SLC27A6: variants seen among roughly 807,000 people sequenced by gnomAD.
SLC27A6 encodes the protein solute carrier family 27 member 6, also known as long-chain fatty acid transport protein 6.
In SLC27A6, 74 loss-of-function variants were observed where a neutral mutation model predicts 63.9. The ratio of observed to expected loss-of-function variants is 1.16; its 90% CI spans 0.96 to 1.40. SLC27A6 has a LOEUF of 1.40. Among genes scored for constraint, SLC27A6 ranks in the 40% most tolerant of loss-of-function variants. SLC27A6 has a pLI of 0.00. For missense variants in SLC27A6, 794 were observed against 732.9 expected, an observed-to-expected ratio of 1.08 and a Z score of -0.96; for synonymous variants, 287 against 260.8, an observed-to-expected ratio of 1.10 and a Z score of -0.97.
chr5:128,982,722 C>A (rs1328982275), intron 1 of SLC27A6, among the ~76,000 whole-genome samples: 1 of 152,216 alleles, frequency 6.6e-6, no homozygotes, highest in African/African-American at 2.4e-5. Context: ...GTCACTCCTC[C>A]TATCATCCTT....
At chr5:129,020,496 G>GA in intron 5 of SLC27A6, among the ~76,000 whole-genome samples, 1 of 152,128 alleles carries the variant, frequency 6.6e-6, no homozygotes, top group East Asian at 1.9e-4. Flanking sequence ...ATGGGAGTGG[G>GA]GGGGAGGAAA....
rs766836348 is a variant in SLC27A6 at position 129,033,155 on chromosome 5, T to C, written c.1733T>C (p.Val578Ala). 2.5e-6 allele frequency: 4 copies of C among 1,609,078 alleles called. No homozygotes were observed. In the African/African-American group the frequency reaches 4.0e-5, roughly 16 times the overall value. Residue 578 changes from valine to alanine, a missense_variant, in exon 10 of 10, where the codon GTG becomes GCG. Coordinates refer to ENST00000262462, the MANE Select transcript of SLC27A6 (RefSeq NM_001017372.3). Reference sequence around the variant, plus strand: ...TTCAAACTATTGAAGCATCAGTTGGTGGAAGATGGATTTAATCCACTGAAA... The same window carrying C: ...TTCAAACTATTGAAGCATCAGTTGGCGGAAGATGGATTTAATCCACTGAAA... ...GTFKLLKHQL[V>A]EDGFNPLKIS...
intron 5 of SLC27A6, 93 bp from the exon 6 acceptor site, chr5:129,023,527 G>T: frequency 1.3e-6 from 1 of 758,508 alleles, no homozygotes; most frequent in Non-Finnish European, 2.2e-6. Flanking sequence ...AATTAGCATA[G>T]TCTACTACAG....
intron 7 of SLC27A6, among the ~76,000 whole-genome samples, 164 bp downstream of exon 7, chr5:129,027,495 C>T (rs1319058767): frequency 6.6e-6 from 1 of 152,046 alleles, no homozygotes; most frequent in African/African-American, 2.4e-5. Context: ...CTAGACTGAA[C>T]CACAAGTTAA....
intron 1 of SLC27A6, among the ~76,000 whole-genome samples, chr5:128,981,866 T>C (rs1220085562): frequency 6.6e-6 from 1 of 151,378 alleles, no homozygotes; most frequent in African/African-American, 2.4e-5. Context: ...TAAGCTGGAG[T>C]GCAGTGGCGT....
At chr5:129,024,499 G>A (rs992314368) in intron 6 of SLC27A6, among the ~76,000 whole-genome samples, 2 of 152,026 alleles carry the variant, frequency 1.3e-5, no homozygotes, top group Non-Finnish European at 1.5e-5. Flanking sequence ...TATTGTGGAC[G>A]ATTAAATGGG....
Position 128,966,621 on chromosome 5 carries a change from A to G in SLC27A6, c.481+3A>G, listed in dbSNP as rs1449327171. Reference sequence around the variant, plus strand: ...CAGAGCCCTAGTGGTGGGCGCAGGTAGAGTATGGGGTGTGGTCTGCCTATA... The same window carrying G: ...CAGAGCCCTAGTGGTGGGCGCAGGTGGAGTATGGGGTGTGGTCTGCCTATA... On this transcript the variant is annotated splice_donor_region_variant and intron_variant, in intron 1 of 9. Coordinates refer to ENST00000262462, the MANE Select transcript of SLC27A6 (RefSeq NM_001017372.3). 33 of 1,513,120 alleles carry G rather than the reference A, an allele frequency of 2.2e-5. No homozygotes were observed. Among genetic ancestry groups the G allele is most frequent in the Non-Finnish European group, 2.8e-5 (32 of 1,139,826 alleles). 93.7% of individuals were successfully genotyped at this position (1,513,120 alleles called of 1,614,324 possible).
chr5:129,030,879 C>T (rs1373175213), intron 9 of SLC27A6, among the ~76,000 whole-genome samples: 1 of 152,000 alleles, frequency 6.6e-6, no homozygotes, highest in Non-Finnish European at 1.5e-5. Flanking sequence ...CAACTTCATG[C>T]ATTCATGACC....
chr5:128,994,166 C>CA (rs928736704), intron 4 of SLC27A6, among the ~76,000 whole-genome samples: 61 of 142,990 alleles, frequency 4.3e-4, no homozygotes, highest in South Asian at 1.1e-3. Flanking sequence ...GACTCTGTCT[C>CA]AAAAAAAAAA....
chr5:128,972,023 G>A (rs1750186425), intron 1 of SLC27A6, among the ~76,000 whole-genome samples: 1 of 152,100 alleles, frequency 6.6e-6, no homozygotes, highest in African/African-American at 2.4e-5. Context: ...CACTTATGAA[G>A]CTTAGTTTGG....
At chr5:129,009,578 AAAT>A (rs1179505908) in intron 4 of SLC27A6, among the ~76,000 whole-genome samples, 3 of 152,312 alleles carry the variant, frequency 2.0e-5, no homozygotes, top group Non-Finnish European at 4.4e-5. Context: ...CATTCCTTAT[AAAT>A]AATAATTGTC....
chr5:128,971,513 G>T (rs1006880459), intron 1 of SLC27A6, among the ~76,000 whole-genome samples: 5 of 142,206 alleles, frequency 3.5e-5, no homozygotes, highest in East Asian at 1.9e-4. Flanking sequence ...CATTATGTAA[G>T]GGCCTTCTTT....
intron 1 of SLC27A6, among the ~76,000 whole-genome samples, chr5:128,976,675 T>C (rs1376613466): frequency 4.2e-5 from 3 of 72,218 alleles, no homozygotes; most frequent in African/African-American, 7.5e-5. Flanking sequence ...TAACAATAAC[T>C]ACAAACTATG....
rs546841685 is a variant in SLC27A6 at position 128,989,915 on chromosome 5, C to T, written c.845-425C>T. Among the ~76,000 whole-genome samples the T allele has an allele frequency of 1.5e-3, 195 of 127,002 alleles. 1 individual carries two copies. The highest frequency in any genetic ancestry group is 4.3e-3 in the Middle Eastern group (1 of 232). 83.3% of individuals were successfully genotyped at this position (127,002 alleles called of 152,430 possible). On this transcript the variant is annotated intron_variant, in intron 3 of 9. Coordinates refer to ENST00000262462, the MANE Select transcript of SLC27A6 (RefSeq NM_001017372.3). Reference sequence around the variant, plus strand: ...CTCCAGCCTGGATGACAGGGTGAGACTCCGTCTCAAAAAAAAAAAAAAAAA... The same window carrying T: ...CTCCAGCCTGGATGACAGGGTGAGATTCCGTCTCAAAAAAAAAAAAAAAAA...
Position 128,966,181 on chromosome 5 carries a change from T to C in SLC27A6, c.44T>C (p.Val15Ala), listed in dbSNP as rs776903748. Residue 15 changes from valine (V) to alanine (A), a missense_variant, in exon 1 of 10, where the codon GTC (valine) becomes GCC (alanine). Coordinates refer to ENST00000262462, the MANE Select transcript of SLC27A6 (RefSeq NM_001017372.3). ...WLTVLGAGMV[V>A]LHFLQKLLFP... ...ACAGTTCTAGGGGCTGGAATGGTCG[T>C]CCTGCACTTCTTGCAGAAACTCCTG... 16 of 1,586,162 alleles carry C rather than the reference T, an allele frequency of 1.0e-5. 1 individual carries two copies. In the Admixed American group the frequency reaches 1.8e-4, roughly 17 times the overall value.
chr5:129,029,971 A>G (rs975322421), intron 9 of SLC27A6, among the ~76,000 whole-genome samples: 2 of 152,006 alleles, frequency 1.3e-5, no homozygotes, highest in East Asian at 1.9e-4. Context: ...TGATGGTCCC[A>G]GTGACGGTGG....
chr5:128,990,989 A>G (rs1450424285), intron 4 of SLC27A6, among the ~76,000 whole-genome samples: 1 of 152,242 alleles, frequency 6.6e-6, no homozygotes, highest in African/African-American at 2.4e-5. Flanking sequence ...AGCTTGAGCC[A>G]GAATAAACAC....
chr5:129,003,340 G>A (rs572109717), intron 4 of SLC27A6, among the ~76,000 whole-genome samples: 1 of 152,314 alleles, frequency 6.6e-6, no homozygotes, highest in East Asian at 1.9e-4. Context: ...TGAAACTTAG[G>A]TACATTCCAG....
chr5:129,015,832 A>G, intron 4 of SLC27A6, 53 bp from the exon 5 acceptor site: 1 of 1,237,460 alleles, frequency 8.1e-7, no homozygotes, highest in Non-Finnish European at 1.1e-6. Context: ...ATAATAATAA[A>G]GAAAGAATTA....
Sources: gnomAD v4.1 joint callset for allele counts (sites outside exome capture counted in the v4.1 genomes callset) on GRCh38, gnomAD v4.1.1 for gene constraint, MANE v1.5 for transcripts, NCBI Gene and HGNC (gene_info 2026-07-23, HGNC 2026-07-21) for gene names.